The following EEF1AKMT2 variants were observed in gnomAD, a reference collection of about 807,000 sequenced individuals.
EEF1AKMT2 encodes the protein eukaryotic translation elongation factor 1 alpha lysine methyltransferase 2.
In EEF1AKMT2, 32 loss-of-function variants were observed where a neutral mutation model predicts 35.8. That is an observed-to-expected ratio of 0.89 (90% confidence interval 0.67 to 1.20). The LOEUF (loss-of-function observed/expected upper bound fraction) is 1.20. Among genes scored for constraint, EEF1AKMT2 ranks in the 50% most tolerant of loss-of-function variants. The probability of loss-of-function intolerance (pLI) is 0.00; values close to 1 mark genes in which losing one functional copy is unlikely to be tolerated. For missense variants in EEF1AKMT2, 330 were observed against 347.5 expected (o/e 0.95, Z 0.40); for synonymous variants, 121 against 133.7 (o/e 0.91, Z 0.65).
intron 4 of EEF1AKMT2, among the ~76,000 whole-genome samples, chr10:124,768,371 G>C (rs1231046121): frequency 6.6e-6 from 1 of 152,142 alleles, no homozygotes; most frequent in Non-Finnish European, 1.5e-5. Context: ...CACTCTGGGA[G>C]GCCAAGGTAG....
rs1038613979 is a variant in EEF1AKMT2, at chr10:124,782,749, G to T, written c.291+6294C>A. On this transcript the variant is annotated intron_variant, in intron 3 of 6. Transcript: ENST00000368836. ...AATCACTTGAACCCAGGAGGTGGAGGTTGCAGTGAGCCAAGATCCCTCCAT... is the reference window on the plus strand; with the variant it reads ...AATCACTTGAACCCAGGAGGTGGAGTTTGCAGTGAGCCAAGATCCCTCCAT... Among the ~76,000 whole-genome samples, 18 of 150,018 alleles carry T rather than the reference G, an allele frequency of 1.2e-4. 1 individual carries two copies. The highest frequency in any genetic ancestry group is 3.5e-3 in the Middle Eastern group (1 of 284).
intron 4 of EEF1AKMT2, among the ~76,000 whole-genome samples, chr10:124,772,530 G>A (rs2134129204): frequency 6.9e-6 from 1 of 145,300 alleles, no homozygotes; most frequent in South Asian, 2.3e-4. Context: ...CCAGGTTCAA[G>A]CGGTTCTCCT....
At chr10:124,781,272 C>T (rs990578645) in intron 3 of EEF1AKMT2, among the ~76,000 whole-genome samples, 1 of 151,622 alleles carries the variant, frequency 6.6e-6, no homozygotes, top group African/African-American at 2.4e-5. Context: ...CTGAAAGAAA[C>T]GGCTAGCTCA....
chr10:124,772,893 T>C (rs1950450563), intron 4 of EEF1AKMT2, among the ~76,000 whole-genome samples: 1 of 152,248 alleles, frequency 6.6e-6, no homozygotes, highest in Non-Finnish European at 1.5e-5. Context: ...TTTGATCTTC[T>C]ATCTGGAGCA....
At chr10:124,770,609 G>A (rs116443072) in intron 4 of EEF1AKMT2, among the ~76,000 whole-genome samples, 2,246 of 152,242 alleles carry the variant, frequency 0.015, 50 homozygotes, top group African/African-American at 0.05. Context: ...AAAGTTTGCC[G>A]TATCGACTGA....
intron 4 of EEF1AKMT2, among the ~76,000 whole-genome samples, chr10:124,770,383 A>C (rs1473052378): frequency 6.6e-6 from 1 of 152,168 alleles, no homozygotes; most frequent in Non-Finnish European, 1.5e-5. Context: ...ACACCACTGC[A>C]CTTCAGCCTG....
intron 4 of EEF1AKMT2, among the ~76,000 whole-genome samples, chr10:124,771,260 T>G (rs541545622): frequency 6.6e-6 from 1 of 151,864 alleles, no homozygotes; most frequent in East Asian, 2.0e-4. Context: ...CCACCACACC[T>G]GGCTAATTCT....
At chr10:124,790,100 G>C (rs556434296) in intron 2 of EEF1AKMT2, among the ~76,000 whole-genome samples, 173 bp downstream of exon 2, 2 of 151,944 alleles carry the variant, frequency 1.3e-5, no homozygotes, top group East Asian at 3.9e-4. Flanking sequence ...TCACCATGTC[G>C]GCCAGGATGG....
At position 124,791,885 on chromosome 10, in the gene EEF1AKMT2, G is replaced by C; in HGVS notation, c.-52C>G. 3 of 1,513,454 alleles carry C rather than the reference G, an allele frequency of 2.0e-6. No individual in the cohort carries two copies. Among genetic ancestry groups the C allele is most frequent in the Non-Finnish European group, 2.6e-6 (3 of 1,135,888 alleles). 93.8% of individuals were successfully genotyped at this position (1,513,454 alleles called of 1,614,324 possible). ...GGGGCCGCCATAGAGACGGGGCACAGGCAGAGCGGACGAGCGGACCGGCGC... is the reference window on the plus strand; with the variant it reads ...GGGGCCGCCATAGAGACGGGGCACACGCAGAGCGGACGAGCGGACCGGCGC... On this transcript the variant is annotated 5_prime_UTR_variant, in exon 1 of 7. Transcript: ENST00000368836.
At chr10:124,780,004 A>G (rs1397530230) in intron 3 of EEF1AKMT2, among the ~76,000 whole-genome samples, 3 of 151,134 alleles carry the variant, frequency 2.0e-5, no homozygotes, top group Non-Finnish European at 2.9e-5. Flanking sequence ...CAGAGCTTAC[A>G]GTGAGCCAAG....
chr10:124,788,988 TA>T, intron 3 of EEF1AKMT2, 54 bp downstream of exon 3: 2 of 1,322,730 alleles, frequency 1.5e-6, no homozygotes, highest in Admixed American at 1.8e-5. Flanking sequence ...GCAGGGCCTT[TA>T]AAAATTTTCC....
intron 3 of EEF1AKMT2, among the ~76,000 whole-genome samples, chr10:124,778,373 G>C (rs1315891171): frequency 6.6e-6 from 1 of 152,058 alleles, no homozygotes; most frequent in East Asian, 1.9e-4. Flanking sequence ...ATAAATTCAA[G>C]GCAGATGAAA....
At chr10:124,771,220 C>T (rs1450955519) in intron 4 of EEF1AKMT2, among the ~76,000 whole-genome samples, 2 of 152,030 alleles carry the variant, frequency 1.3e-5, no homozygotes, top group African/African-American at 4.8e-5. Context: ...CTGCCTCAGC[C>T]TCCCAAGTAG....
chr10:124,774,714 A>T lies in EEF1AKMT2; in HGVS notation c.360T>A (p.Ser120Arg). The change falls in exon 4 of 7, where the codon AGT (serine) becomes AGA (arginine). Residue 120 changes from serine to arginine, a missense_variant. Transcript: ENST00000368836. ...TAGATAAACCTTCTTTTTCTATAAT[A>T]CTTCCAGAAAGCTGAATTGCAGAAG... ...YSPSAIQLSG[S>R]IIEKEGLSNI... The T allele has an allele frequency of 6.7e-7, 1 of 1,482,404 alleles. No individual in the cohort carries two copies. The highest frequency in any genetic ancestry group is 8.9e-7 in the Non-Finnish European group (1 of 1,119,240). 91.8% of individuals were successfully genotyped at this position (1,482,404 alleles called of 1,614,324 possible).
chr10:124,767,675 C>T (rs1471794387), intron 4 of EEF1AKMT2, among the ~76,000 whole-genome samples: 1 of 151,890 alleles, frequency 6.6e-6, no homozygotes, highest in Non-Finnish European at 1.5e-5. Flanking sequence ...GGAAGAGAAA[C>T]AGTTTGGAAA....
chr10:124,762,315 G>T lies in EEF1AKMT2; in HGVS notation c.860C>A (p.Pro287His). The change falls in exon 6 of 7, where the codon CCC becomes CAC. Residue 287 changes from proline to histidine, a missense_variant. Pro to His is a moderately conservative substitution (Grantham distance 77). Coordinates refer to ENST00000368836, the MANE Select transcript of EEF1AKMT2 (RefSeq NM_212554.4). Reference protein sequence around the residue: ...PKVLGLYHARPSLAF With the variant: ...PKVLGLYHARHSLAF ...GGTCACTTACTAAAATGCCAACGAG[G>T]GCCTGGCATGGTATAATCCCAGCAC... is the stretch of plus-strand genomic sequence containing the variant. 1 of 1,098,038 alleles carries T rather than the reference G, an allele frequency of 9.1e-7. No homozygotes were observed. Among genetic ancestry groups the T allele is most frequent in the South Asian group, 2.4e-5 (1 of 41,326 alleles). The allele number at this position is 1,098,038 out of a possible 1,614,324, so 68.0% of individuals were successfully genotyped here.
Position 124,774,138 on chromosome 10 carries a change from C to T in EEF1AKMT2, c.399+537G>A, listed in dbSNP as rs542213493. Among the ~76,000 whole-genome samples, 8 of 152,136 alleles carry T rather than the reference C, an allele frequency of 5.3e-5. No homozygotes were observed. In the East Asian group the frequency reaches 9.7e-4, roughly 18 times the overall value. ...ATCCCAGCACTCTGGGAGGCCGAAG[C>T]GGGCAGATCACGAGATCAGGAGATC... is the stretch of plus-strand genomic sequence containing the variant. On this transcript the variant is annotated intron_variant, in intron 4 of 6. Transcript: ENST00000368836.
At chr10:124,787,471 C>T (rs1950595977) in intron 3 of EEF1AKMT2, among the ~76,000 whole-genome samples, 1 of 144,144 alleles carries the variant, frequency 6.9e-6, no homozygotes, top group South Asian at 2.2e-4. Context: ...TGAAAGACAC[C>T]AGGAATAGCA....
chr10:124,787,803 T>C (rs1315553989), intron 3 of EEF1AKMT2, among the ~76,000 whole-genome samples: 1 of 152,102 alleles, frequency 6.6e-6, no homozygotes, highest in African/African-American at 2.4e-5. Context: ...TAGAGTTCTA[T>C]AATATTTTAC....
Sources: allele counts gnomAD v4.1 joint callset (sites outside exome capture counted in the v4.1 genomes callset), GRCh38; gene constraint gnomAD v4.1.1; transcripts MANE v1.5; gene names NCBI Gene and HGNC (gene_info 2026-07-23, HGNC 2026-07-21).